CTNNA3: variants seen among roughly 807,000 people sequenced by gnomAD.
The protein encoded by CTNNA3 is catenin alpha 3.
Under a neutral mutation model 95.7 loss-of-function variants are expected in CTNNA3, and 76 were observed. The ratio of observed to expected loss-of-function variants is 0.79; its 90% CI spans 0.66 to 0.96. The LOEUF is 0.96. CTNNA3 is among the 40% of genes least tolerant of loss of function. The probability of loss-of-function intolerance (pLI) is 0.00; values close to 1 mark genes in which losing one functional copy is unlikely to be tolerated. For missense variants in CTNNA3, 1,191 were observed against 1,089.8 expected (o/e 1.09, Z -1.31); for synonymous variants, 431 against 374.4 (o/e 1.15, Z -1.74).
In CTNNA3 at chr10:67,185,208, A is replaced by C. The variant is rs982193115; in HGVS notation, c.844-4688T>G. Among the ~76,000 whole-genome samples, 3 of 151,926 alleles carry C rather than the reference A, an allele frequency of 2.0e-5. No homozygotes were observed. In the South Asian group the frequency reaches 6.2e-4, roughly 32 times the overall value. ...CAGTGGCGCGATCTCGGCTCACTGCAACCTCTACCCCCAAATTCAAGCGAC... is the reference window on the plus strand; with the variant it reads ...CAGTGGCGCGATCTCGGCTCACTGCCACCTCTACCCCCAAATTCAAGCGAC... On this transcript the variant is annotated intron_variant, in intron 6 of 17. Transcript: ENST00000433211.
chr10:66,935,587 G>A (rs148706742), intron 7 of CTNNA3, among the ~76,000 whole-genome samples: 67 of 151,850 alleles, frequency 4.4e-4, no homozygotes, highest in Non-Finnish European at 7.5e-4. Context: ...TATTACATAC[G>A]TATTTGTATT....
At chr10:67,397,865 G>A (rs1281123617) in intron 5 of CTNNA3, among the ~76,000 whole-genome samples, 2 of 152,284 alleles carry the variant, frequency 1.3e-5, no homozygotes, top group Non-Finnish European at 2.9e-5. Context: ...CAAGCCCCAA[G>A]CCTTGGCAGC....
intron 6 of CTNNA3, among the ~76,000 whole-genome samples, chr10:67,185,707 T>C (rs548121340): frequency 8.5e-5 from 13 of 152,158 alleles, no homozygotes; most frequent in Non-Finnish European, 1.5e-4. Flanking sequence ...AACTTTCCAC[T>C]ACAATGTTTC....
intron 9 of CTNNA3, among the ~76,000 whole-genome samples, chr10:66,692,227 T>C (rs1222370214): frequency 6.6e-6 from 1 of 151,814 alleles, no homozygotes; most frequent in African/African-American, 2.4e-5. Flanking sequence ...AAAATTTAGA[T>C]GAATGTATAA....
At chr10:67,030,999 C>T (rs530714156) in intron 7 of CTNNA3, among the ~76,000 whole-genome samples, 6 of 151,796 alleles carry the variant, frequency 4.0e-5, no homozygotes, top group Admixed American at 6.6e-5. Context: ...AGCGAAACTC[C>T]GTCTCAAAAA....
At chr10:66,925,878 C>T in intron 7 of CTNNA3, 1 of 349,858 alleles carries the variant, frequency 2.9e-6, no homozygotes, top group South Asian at 2.1e-5. Flanking sequence ...TCACGGTGAC[C>T]ATTCAGTTCC....
intron 7 of CTNNA3, among the ~76,000 whole-genome samples, chr10:67,134,937 C>G (rs906265251): frequency 2.0e-5 from 3 of 152,054 alleles, no homozygotes; most frequent in African/African-American, 7.2e-5. Context: ...ACCGCTGAGA[C>G]CCATGATTCC....
chr10:67,467,400 C>T (rs924481539), intron 5 of CTNNA3, among the ~76,000 whole-genome samples: 1 of 152,002 alleles, frequency 6.6e-6, no homozygotes, highest in Non-Finnish European at 1.5e-5. Flanking sequence ...TGATCTTAGT[C>T]CTTCACAGTT....
chr10:66,373,144 A>G (rs1484529153), intron 12 of CTNNA3, among the ~76,000 whole-genome samples: 2 of 152,160 alleles, frequency 1.3e-5, no homozygotes, highest in African/African-American at 2.4e-5. Context: ...TCCATGTACC[A>G]TGTCAAAAAG....
chr10:66,471,809 A>T (rs1398074531), intron 11 of CTNNA3, among the ~76,000 whole-genome samples: 1 of 151,850 alleles, frequency 6.6e-6, no homozygotes, highest in African/African-American at 2.4e-5. Flanking sequence ...ACGCTTTCCC[A>T]TGCTGTCCTT....
chr10:67,436,680 C>G (rs1443506148), intron 5 of CTNNA3, among the ~76,000 whole-genome samples: 2 of 152,038 alleles, frequency 1.3e-5, no homozygotes, highest in Non-Finnish European at 2.9e-5. Flanking sequence ...AAAGACAATT[C>G]TCAAAAGAAG....
At chr10:67,282,621 C>T (rs1225795264) in intron 5 of CTNNA3, among the ~76,000 whole-genome samples, 8 of 152,070 alleles carry the variant, frequency 5.3e-5, no homozygotes, top group Non-Finnish European at 1.0e-4. Flanking sequence ...AAGCAATAAA[C>T]GCAGTTTTAC....
chr10:66,365,833 A>G (rs1234707513), intron 12 of CTNNA3, among the ~76,000 whole-genome samples: 1 of 152,032 alleles, frequency 6.6e-6, no homozygotes, highest in Non-Finnish European at 1.5e-5. Context: ...TATAGGCAGC[A>G]TGGAGAGGTG....
intron 7 of CTNNA3, among the ~76,000 whole-genome samples, chr10:66,886,099 G>T (rs1845031919): frequency 6.6e-6 from 1 of 152,090 alleles, no homozygotes; most frequent in South Asian, 2.1e-4. Context: ...GGAGAGAAGA[G>T]AAAGGGATAA....
At chr10:66,879,571 C>T (rs1844764369) in intron 7 of CTNNA3, among the ~76,000 whole-genome samples, 2 of 152,060 alleles carry the variant, frequency 1.3e-5, no homozygotes, top group South Asian at 4.1e-4. Flanking sequence ...ATATATAGCA[C>T]CTGTTCTGCA....
intron 2 of CTNNA3, among the ~76,000 whole-genome samples, chr10:67,611,907 G>T (rs1843472616): frequency 6.6e-6 from 1 of 152,106 alleles, no homozygotes; most frequent in East Asian, 1.9e-4. Flanking sequence ...CTTCAACAGG[G>T]TTCTGAAAGA....
At position 65,998,441 on chromosome 10, in the gene CTNNA3, C is replaced by T. The variant is rs147045292; in HGVS notation, c.2160-9644G>A. Reference sequence around the variant, plus strand: ...TAGCTGTTCCATCCATTTACAACCACTTCTGTCCATATTTCCTAACTCTCT... The same window carrying T: ...TAGCTGTTCCATCCATTTACAACCATTTCTGTCCATATTTCCTAACTCTCT... On this transcript the variant is annotated intron_variant, in intron 15 of 17. Coordinates refer to ENST00000433211, the MANE Select transcript of CTNNA3 (RefSeq NM_013266.4). 1.4e-3 allele frequency among the ~76,000 whole-genome samples: 206 copies of T among 152,286 alleles called. No homozygotes were observed. The East Asian group carries it at 0.036, about 26-fold the overall frequency.
intron 1 of CTNNA3, among the ~76,000 whole-genome samples, chr10:67,660,861 G>A (rs935957370): frequency 6.6e-6 from 1 of 150,848 alleles, no homozygotes; most frequent in Admixed American, 6.6e-5. Context: ...AACCCGGGAG[G>A]CAGAGCTTGC....
intron 11 of CTNNA3, among the ~76,000 whole-genome samples, chr10:66,434,188 A>G (rs905398766): frequency 3.3e-5 from 5 of 151,998 alleles, no homozygotes; most frequent in Non-Finnish European, 7.4e-5. Flanking sequence ...AAAAAAGTCA[A>G]TGGTTGCTTA....
Sources: gnomAD v4.1 joint callset for allele counts (sites outside exome capture counted in the v4.1 genomes callset) on GRCh38, gnomAD v4.1.1 for gene constraint, MANE v1.5 for transcripts, NCBI Gene and HGNC (gene_info 2026-07-23, HGNC 2026-07-21) for gene names.